The following VAPB variants were observed in gnomAD, a reference collection of about 807,000 sequenced individuals.
VAPB encodes the protein vesicle-associated membrane protein-associated protein B/C.
Under a neutral mutation model 25.6 loss-of-function variants are expected in VAPB, and 7 were observed. The ratio of observed to expected loss-of-function variants is 0.27; its 90% confidence interval spans 0.16 to 0.51. VAPB has a LOEUF of 0.51. Ranked by LOEUF, VAPB falls within the 20% of genes least tolerant of loss-of-function variation. VAPB has a pLI of 0.97. For missense variants in VAPB, 266 were observed against 301.3 expected, an observed-to-expected ratio of 0.88 and a Z score of 0.87; for synonymous variants, 112 against 109.2, an observed-to-expected ratio of 1.03 and a Z score of -0.16.
chr20:58,449,340 A>G lies in VAPB; in HGVS notation c.*5105A>G. 2.2e-6 allele frequency: 1 copy of G among 450,892 alleles called. No individual in the cohort carries two copies. Among genetic ancestry groups the G allele is most frequent in the Non-Finnish European group, 4.4e-6 (1 of 226,092 alleles). The allele number at this position is 450,892 out of a possible 1,614,324, so 27.9% of individuals were successfully genotyped here. A position where few individuals can be genotyped will look rare whatever the true frequency, so the allele number is the denominator to read the frequency against. ...TTTTCATTACAGAGATATTTTGAAA[A>G]ATTTAAAAGACATGAACTCACATAA... On this transcript the variant is annotated 3_prime_UTR_variant, in exon 6 of 6. Coordinates refer to ENST00000475243, the MANE Select transcript of VAPB (RefSeq NM_004738.5).
intron 1 of VAPB, among the ~76,000 whole-genome samples, chr20:58,396,720 G>A (rs1987967151): frequency 6.6e-6 from 1 of 152,196 alleles, no homozygotes; most frequent in Non-Finnish European, 1.5e-5. Flanking sequence ...CAATATAAGG[G>A]TAAAGAAAGG....
intron 5 of VAPB, among the ~76,000 whole-genome samples, chr20:58,443,398 G>GTTTTTTT (rs397773897): frequency 2.7e-5 from 3 of 112,836 alleles, no homozygotes; most frequent in Admixed American, 9.5e-5. Flanking sequence ...CCACTTTTAG[G>GTTTTTTT]TTTTTTTTTT....
intron 1 of VAPB, chr20:58,390,290 T>G: frequency 6.6e-6 from 1 of 152,022 alleles, no homozygotes; most frequent in Non-Finnish European, 1.5e-5. Flanking sequence ...GAGCAACACC[T>G]GCGGCGATGG....
intron 2 of VAPB, chr20:58,432,524 T>G (rs1988950341): frequency 6.6e-6 from 1 of 152,176 alleles, no homozygotes; most frequent in Non-Finnish European, 1.5e-5. Context: ...CATGATTTTG[T>G]CACAGCCAAG....
chr20:58,395,925 T>A (rs1029414447), intron 1 of VAPB, among the ~76,000 whole-genome samples: 3 of 152,150 alleles, frequency 2.0e-5, no homozygotes, highest in Admixed American at 2.0e-4. Flanking sequence ...ACAAACAAAA[T>A]AACTGAATGT....
At chr20:58,394,660 C>T (rs1987903280) in intron 1 of VAPB, among the ~76,000 whole-genome samples, 1 of 152,224 alleles carries the variant, frequency 6.6e-6, no homozygotes, top group African/African-American at 2.4e-5. Context: ...AAATCTTGTT[C>T]CTGGGAGAAA....
chr20:58,420,020 T>G (rs1293652762), intron 2 of VAPB, among the ~76,000 whole-genome samples: 2 of 152,080 alleles, frequency 1.3e-5, no homozygotes, highest in Non-Finnish European at 2.9e-5. Context: ...CAGTCTCACT[T>G]TGTCGCCCAG....
At chr20:58,420,697 C>G (rs1433080121) in intron 2 of VAPB, among the ~76,000 whole-genome samples, 1 of 152,202 alleles carries the variant, frequency 6.6e-6, no homozygotes, top group Non-Finnish European at 1.5e-5. Context: ...GAGACAAGAT[C>G]ATATCTGCAC....
At chr20:58,414,506 G>C (rs1272793648) in intron 1 of VAPB, among the ~76,000 whole-genome samples, 2 of 151,812 alleles carry the variant, frequency 1.3e-5, no homozygotes, top group African/African-American at 4.8e-5. Context: ...TCACCTCTCA[G>C]ACGGGGCGGT....
At chr20:58,415,734 C>T (rs1378114174) in intron 1 of VAPB, among the ~76,000 whole-genome samples, 1 of 152,042 alleles carries the variant, frequency 6.6e-6, no homozygotes, top group African/African-American at 2.4e-5. Context: ...TTACATAATG[C>T]TTTAATGGAA....
At chr20:58,407,050 T>G (rs1568702208) in intron 1 of VAPB, among the ~76,000 whole-genome samples, 1 of 152,244 alleles carries the variant, frequency 6.6e-6, no homozygotes, top group African/African-American at 2.4e-5. Flanking sequence ...CTTTTAGAAC[T>G]GATGTAAAAT....
chr20:58,405,452 GTTTATTTTTATT>G (rs75779168), intron 1 of VAPB, among the ~76,000 whole-genome samples: 1 of 149,626 alleles, frequency 6.7e-6, no homozygotes, highest in Non-Finnish European at 1.5e-5. Flanking sequence ...CTGAGCAGGA[GTTTATTTTTATT>G]TTTATTTTTA....
At chr20:58,392,894 T>C (rs1987842955) in intron 1 of VAPB, among the ~76,000 whole-genome samples, 1 of 152,222 alleles carries the variant, frequency 6.6e-6, no homozygotes, top group African/African-American at 2.4e-5. Context: ...GCATCATAAA[T>C]ATCAAAAGGA....
At chr20:58,409,370 T>G (rs2123041825) in intron 1 of VAPB, among the ~76,000 whole-genome samples, 1 of 152,318 alleles carries the variant, frequency 6.6e-6, no homozygotes, top group South Asian at 2.1e-4. Context: ...TAATAAGATA[T>G]CCAACAGATT....
chr20:58,444,950 T>G lies in VAPB; in HGVS notation c.*715T>G, dbSNP rs1989249156. The G allele has an allele frequency of 2.2e-6, 1 of 454,550 alleles. No individual in the cohort carries two copies. The highest frequency in any genetic ancestry group is 4.4e-6 in the Non-Finnish European group (1 of 226,810). 28.2% of individuals were successfully genotyped at this position (454,550 alleles called of 1,614,324 possible). ...CAGAGATGTTTAATGCATATTTAAC[T>G]TATTTAATGTATTTCATCTCATGTT... On this transcript the variant is annotated 3_prime_UTR_variant, in exon 6 of 6. Transcript: ENST00000475243.
chr20:58,427,535 T>C (rs1988825648), intron 2 of VAPB, among the ~76,000 whole-genome samples: 1 of 151,342 alleles, frequency 6.6e-6, no homozygotes, highest in Admixed American at 6.6e-5. Context: ...TCTCGTAGCA[T>C]TATGATGCAG....
chr20:58,432,717 GA>G (rs1037847068), intron 2 of VAPB, among the ~76,000 whole-genome samples: 2 of 152,026 alleles, frequency 1.3e-5, no homozygotes, highest in Non-Finnish European at 2.9e-5. Context: ...TTAGGGGCAG[GA>G]AAAAAACACA....
At chr20:58,389,788 A>G (rs748182943) in intron 1 of VAPB, among the ~76,000 whole-genome samples, 1 of 152,014 alleles carries the variant, frequency 6.6e-6, no homozygotes, top group Non-Finnish European at 1.5e-5. Flanking sequence ...GGCACTTGTC[A>G]CTTTGTAACT....
chr20:58,409,444 A>T (rs1039484212), intron 1 of VAPB, among the ~76,000 whole-genome samples: 3 of 152,182 alleles, frequency 2.0e-5, no homozygotes, highest in Non-Finnish European at 4.4e-5. Context: ...AGTCTACTGT[A>T]TTGAAACCTC....
Sources: gnomAD v4.1 joint callset for allele counts (sites outside exome capture counted in the v4.1 genomes callset) on GRCh38, gnomAD v4.1.1 for gene constraint, MANE v1.5 for transcripts, NCBI Gene and HGNC (gene_info 2026-07-23, HGNC 2026-07-21) for gene names.